FRYL: variants seen among roughly 807,000 people sequenced by gnomAD.
FRYL encodes the protein FRY like transcription coactivator.
Under a neutral mutation model 351.2 loss-of-function variants are expected in FRYL, and 150 were observed. The observed-to-expected ratio is 0.43, with a 90% confidence interval of 0.37 to 0.49. The LOEUF (loss-of-function observed/expected upper bound fraction) is 0.49. FRYL is among the 20% of genes least tolerant of loss of function. FRYL has a pLI of 0.00. For missense variants in FRYL, 3,036 were observed against 3,619.3 expected, an observed-to-expected ratio of 0.84 and a Z score of 4.13; for synonymous variants, 1,153 against 1,257.1, an observed-to-expected ratio of 0.92 and a Z score of 1.75.
At chr4:48,669,799 A>T (rs1340766507) in intron 3 of FRYL, among the ~76,000 whole-genome samples, 1 of 151,964 alleles carries the variant, frequency 6.6e-6, no homozygotes, top group Non-Finnish European at 1.5e-5. Flanking sequence ...AAGCCAAGGA[A>T]ATAAAGATCC....
intron 36 of FRYL, 74 bp downstream of exon 36, chr4:48,553,141 A>ATAG: frequency 8.4e-7 from 1 of 1,194,362 alleles, no homozygotes; most frequent in African/African-American, 1.5e-5. Flanking sequence ...AGAGACCCTA[A>ATAG]AATGGTTACC....
rs78004396 is a variant in FRYL, at chr4:48,690,746, T to A, written c.-203-5951A>T. On this transcript the variant is annotated intron_variant, in intron 2 of 63. Transcript: ENST00000358350. ...TAACCTTTTATATGTATAGTTTTTT[T>A]AATTATACAATGGAACTTATGCTAT... 2.7e-3 allele frequency among the ~76,000 whole-genome samples: 407 copies of A among 152,292 alleles called. 9 individuals are homozygous for A. In the East Asian group the frequency reaches 0.062, roughly 23 times the overall value.
intron 3 of FRYL, 52 bp from the exon 4 acceptor site, chr4:48,634,542 G>C: frequency 1.4e-6 from 2 of 1,423,158 alleles, no homozygotes; most frequent in Non-Finnish European, 1.9e-6. Context: ...AACTCAAGAG[G>C]TCTACCATAA....
chr4:48,505,881 A>G (rs553325104), intron 59 of FRYL: 1 of 348,672 alleles, frequency 2.9e-6, no homozygotes, highest in Non-Finnish European at 5.2e-6. Flanking sequence ...GTTCCATTTC[A>G]GTAAAGGATA....
In FRYL at chr4:48,515,062, C is replaced by T. The variant is rs1262530720; in HGVS notation, c.7903G>A (p.Glu2635Lys). 4 of 1,613,740 alleles carry T rather than the reference C, an allele frequency of 2.5e-6. No homozygotes were observed. The highest frequency in any genetic ancestry group is 3.4e-6 in the Non-Finnish European group (4 of 1,179,854). ...LALKELDERC[E>K]EEEADFSGLS... is the part of the protein sequence containing the mutation. ...CCGGAGAAATCCGCTTCTTCTTCTT[C>T]ACATCTTTCATCTAGCTCTTTCAGA... is the stretch of plus-strand genomic sequence containing the variant. The change falls in exon 56 of 64, where the codon GAA becomes AAA. Residue 2635 changes from glutamate (E) to lysine (K), a missense_variant. This residue lies in a region of FRYL where 1,987 missense variants were observed against 2,311.7 expected (regional missense o/e 0.86). Transcript: ENST00000358350.
At chr4:48,633,500 T>C (rs707719) in intron 4 of FRYL, among the ~76,000 whole-genome samples, 145,381 of 152,256 alleles carry the variant, frequency 0.95, 69,451 homozygotes, top group South Asian at 0.98. Flanking sequence ...GGTGAGATCA[T>C]CAGTATCTCA....
At position 48,530,690 on chromosome 4, in the gene FRYL, C is replaced by T. The variant is rs185073594; in HGVS notation, c.6903+466G>A. Among the ~76,000 whole-genome samples, 458 of 152,226 alleles carry T rather than the reference C, an allele frequency of 3.0e-3. 2 individuals carry two copies. The highest frequency in any genetic ancestry group is 3.2e-3 in the Non-Finnish European group (221 of 68,008). On this transcript the variant is annotated intron_variant, in intron 50 of 63. Transcript: ENST00000358350. ...GTGTCTGGAACACCATGCTTTCTCA[C>T]GCTTACAAGCCTTCATTCACACATT... is the stretch of plus-strand genomic sequence containing the variant.
chr4:48,499,238 G>T lies in FRYL; in HGVS notation c.*184C>A. 1 of 578,654 alleles carries T rather than the reference G, an allele frequency of 1.7e-6. No homozygotes were observed. The allele number at this position is 578,654 out of a possible 1,614,324, so 35.8% of individuals were successfully genotyped here. The stretch of plus-strand genomic sequence containing the variant: ...GTTATTGTGGGAGATATTGGCAGCT[G>T]TTAAAATATCAGATGTTTTTTTCTT... On this transcript the variant is annotated 3_prime_UTR_variant, in exon 64 of 64. Coordinates refer to ENST00000358350, the MANE Select transcript of FRYL (RefSeq NM_015030.2).
chr4:48,590,221 G>A (rs953731891), intron 17 of FRYL, among the ~76,000 whole-genome samples: 11 of 152,254 alleles, frequency 7.2e-5, no homozygotes, highest in Non-Finnish European at 1.2e-4. Flanking sequence ...GGTGGCTCAC[G>A]TCTGTAATCC....
intron 26 of FRYL, 111 bp downstream of exon 26, chr4:48,573,075 A>C: frequency 1.4e-6 from 1 of 728,356 alleles, no homozygotes; most frequent in South Asian, 1.9e-5. Context: ...TCTGCATCTT[A>C]AAAAGAAGAA....
Position 48,605,791 on chromosome 4 carries a change from T to C in FRYL, c.784A>G (p.Lys262Glu). The C allele has an allele frequency of 6.2e-7, 1 of 1,608,630 alleles. No homozygotes were observed. Among genetic ancestry groups the C allele is most frequent in the Non-Finnish European group, 8.5e-7 (1 of 1,175,576 alleles). ...ACAAATAAACCAGCAAGTGCATGTT[T>C]TATATCTTTATCTTTCACTTCTAAG... ...YFLEVKDKDI[K>E]HALAGLFVEI... The change falls in exon 11 of 64, where the codon AAA (lysine) becomes GAA (glutamate). Residue 262 changes from lysine (K) to glutamate (E), a missense_variant. Physicochemically the swap from Lys to Glu is moderately conservative, Grantham distance 56. Transcript: ENST00000358350.
intron 55 of FRYL, among the ~76,000 whole-genome samples, chr4:48,518,810 T>G (rs565455687): frequency 1.3e-5 from 2 of 152,372 alleles, no homozygotes; most frequent in South Asian, 4.1e-4. Flanking sequence ...TCCACATTAC[T>G]GTTAGATTTT....
chr4:48,758,604 G>C (rs1317613869), intron 1 of FRYL, among the ~76,000 whole-genome samples: 5 of 152,242 alleles, frequency 3.3e-5, no homozygotes, highest in African/African-American at 9.6e-5. Flanking sequence ...AGGATGTGGA[G>C]AAATGGGAAC....
chr4:48,662,424 A>G (rs35832410), intron 3 of FRYL, among the ~76,000 whole-genome samples: 1 of 152,174 alleles, frequency 6.6e-6, no homozygotes, highest in Non-Finnish European at 1.5e-5. Flanking sequence ...AAAAAAAATA[A>G]CAATAACAAT....
chr4:48,749,529 G>A (rs571055356), intron 1 of FRYL, among the ~76,000 whole-genome samples: 19 of 152,184 alleles, frequency 1.2e-4, no homozygotes, highest in Admixed American at 2.6e-4. Flanking sequence ...GTGCCTTGTC[G>A]GGATCCTGGA....
chr4:48,648,924 C>T (rs1029720004), intron 3 of FRYL, among the ~76,000 whole-genome samples: 9 of 152,130 alleles, frequency 5.9e-5, no homozygotes, highest in African/African-American at 2.2e-4. Context: ...TTGGAATACA[C>T]TAAAACCCAC....
At chr4:48,583,575 A>T (rs1241254040) in intron 19 of FRYL, among the ~76,000 whole-genome samples, 1 of 151,990 alleles carries the variant, frequency 6.6e-6, no homozygotes, top group East Asian at 1.9e-4. Flanking sequence ...GAGTAAATTT[A>T]GGAGTAATAT....
intron 3 of FRYL, among the ~76,000 whole-genome samples, chr4:48,643,214 T>TGG (rs1371619731): frequency 2.6e-5 from 4 of 152,280 alleles, no homozygotes; most frequent in Admixed American, 2.6e-4. Context: ...TACATAGAGA[T>TGG]GTGTAGCCCT....
At chr4:48,710,334 C>G (rs1767868028) in intron 2 of FRYL, among the ~76,000 whole-genome samples, 185 bp downstream of exon 2, 1 of 152,170 alleles carries the variant, frequency 6.6e-6, no homozygotes, top group African/African-American at 2.4e-5. Flanking sequence ...TGTTTATATT[C>G]TTCATAAACA....
Sources: gnomAD v4.1 joint callset for allele counts (sites outside exome capture counted in the v4.1 genomes callset) on GRCh38, gnomAD v4.1.1 for gene constraint, gnomAD v4.1.1 regional missense constraint, MANE v1.5 for transcripts, NCBI Gene and HGNC (gene_info 2026-07-23, HGNC 2026-07-21) for gene names.